The following WDR35 variants were observed in gnomAD, a reference collection of about 807,000 sequenced individuals.
The protein encoded by WDR35 is WD repeat domain 35.
In WDR35, 118 loss-of-function variants were observed where a neutral mutation model predicts 158.3. That is an observed-to-expected ratio of 0.75 (90% confidence interval 0.64 to 0.87). The LOEUF is 0.87. WDR35 is among the 40% of genes least tolerant of loss of function. The pLI is 0.00. For synonymous variants in WDR35, 448 were observed against 476.1 expected (o/e 0.94, Z 0.77); for missense variants, 1,263 against 1,405.8 (o/e 0.90, Z 1.62).
At chr2:19,977,521 A>G (rs1672251901) in intron 5 of WDR35, among the ~76,000 whole-genome samples, 1 of 152,094 alleles carries the variant, frequency 6.6e-6, no homozygotes, top group African/African-American at 2.4e-5. Context: ...TTCCCTTGTC[A>G]TTACCTGGAT....
At chr2:19,971,767 G>A (rs1406207750) in intron 8 of WDR35, among the ~76,000 whole-genome samples, 2 of 152,130 alleles carry the variant, frequency 1.3e-5, no homozygotes, top group Non-Finnish European at 2.9e-5. Flanking sequence ...AAGAGGAGGA[G>A]AATACGACCA....
At chr2:19,946,902 G>A (rs2103417498) in intron 14 of WDR35, among the ~76,000 whole-genome samples, 1 of 152,090 alleles carries the variant, frequency 6.6e-6, no homozygotes, top group Middle Eastern at 3.4e-3. Flanking sequence ...AATATTCAGG[G>A]CACATTAAAA....
Position 19,973,587 on chromosome 2 carries a change from C to A in WDR35, c.858G>T (p.Val286=), listed in dbSNP as rs373555840. The stretch of plus-strand genomic sequence containing the variant: ...CCTCACCAAACGGAGTGTAAAACTG[C>A]ACAATGTTCACATCTTTGTCCTGCA... ...AAMQDKDVNI[V]QFYTPFGEHL... Residue 286 remains valine, a synonymous_variant, in exon 8 of 27, where the codon GTG becomes GTT. Transcript: ENST00000281405. The A allele has an allele frequency of 6.2e-7, 1 of 1,614,004 alleles. No individual in the cohort carries two copies.
At chr2:19,941,736 A>C in intron 17 of WDR35, 23 bp downstream of exon 17, 1 of 1,499,470 alleles carries the variant, frequency 6.7e-7, no homozygotes, top group Non-Finnish European at 9.1e-7. Flanking sequence ...CTAGCAACAG[A>C]AATGTAACTT....
rs549077153 is a variant in WDR35, at chr2:19,945,995, G to A, written c.1636C>T (p.Arg546Cys). Residue 546 changes from arginine to cysteine, a missense_variant and splice_region_variant, in exon 16 of 27, where the codon CGT (arginine) becomes TGT (cysteine). Transcript: ENST00000281405. ...CCTGAGATGTCTATGATAGCAAGAC[G>A]GCTAAAAACAATGCAATTAGAGAAA... ...YQLSLNCNSS[R>C]LAIIDISGVL... 1.7e-5 allele frequency: 27 copies of A among 1,613,346 alleles called. No individual in the cohort carries two copies. The highest frequency in any genetic ancestry group is 4.5e-5 in the East Asian group (2 of 44,842).
chr2:19,914,288 C>T lies in WDR35; in HGVS notation c.3122-11G>A, dbSNP rs755368095. ...CTTTCAGGTGAAGAGCTAAGAAAAA[C>T]AGGGCAATTGGGGTTTTTTAAAATA... is the stretch of plus-strand genomic sequence containing the variant. On this transcript the variant is annotated splice_polypyrimidine_tract_variant and intron_variant, in intron 25 of 26. Transcript: ENST00000281405. 1.2e-6 allele frequency: 2 copies of T among 1,613,998 alleles called. No homozygotes were observed. Among genetic ancestry groups the T allele is most frequent in the South Asian group, 2.2e-5 (2 of 90,990 alleles).
In WDR35 at chr2:19,960,553, C is replaced by T. The variant is rs371669862; in HGVS notation, c.1255+1G>A. ...AGAAATAAATATCAACATTTCCTTA[C>T]CAATATCAATGTATTTGGGATCCAA... On this transcript the variant is annotated splice_donor_variant, in intron 11 of 26. Transcript: ENST00000281405. LOFTEE classifies it high-confidence loss of function. The T allele has an allele frequency of 4.4e-6, 7 of 1,601,448 alleles. No individual in the cohort carries two copies. In the African/African-American group the frequency reaches 6.7e-5, roughly 15 times the overall value.
At chr2:19,976,562 T>C (rs1216825547) in intron 5 of WDR35, among the ~76,000 whole-genome samples, 1 of 152,132 alleles carries the variant, frequency 6.6e-6, no homozygotes, top group Non-Finnish European at 1.5e-5. Flanking sequence ...ACCAAACCTG[T>C]TGACATCTTG....
intron 17 of WDR35, 121 bp downstream of exon 17, chr2:19,941,638 G>T: frequency 1.4e-6 from 1 of 689,698 alleles, no homozygotes; most frequent in Non-Finnish European, 2.5e-6. Flanking sequence ...AAGAGAGCAG[G>T]GCTGGGCCTG....
intron 25 of WDR35, among the ~76,000 whole-genome samples, chr2:19,916,039 T>G (rs1047584698): frequency 6.6e-6 from 1 of 151,956 alleles, no homozygotes; most frequent in Non-Finnish European, 1.5e-5. Flanking sequence ...CATTTCCAAC[T>G]GAGGTACCAG....
Position 19,946,569 on chromosome 2 carries a change from C to T in WDR35, c.1526G>A (p.Gly509Asp). Residue 509 changes from glycine (G) to aspartate (D), a missense_variant and splice_region_variant, in exon 15 of 27, where the codon GGT (glycine) becomes GAT (aspartate). Gly to Asp is a moderately conservative substitution (Grantham distance 94, BLOSUM62 -1). Transcript: ENST00000281405. Reference sequence around the variant, plus strand: ...TCTCTGAATGGTGCCAGATTCACGACCCTATGGAAATTACTTTTGATTACT... The same window carrying T: ...TCTCTGAATGGTGCCAGATTCACGATCCTATGGAAATTACTTTTGATTACT... ...ITASDKILIV[G>D]RESGTIQRYS... 1 of 1,613,042 alleles carries T rather than the reference C, an allele frequency of 6.2e-7. No individual in the cohort carries two copies. The highest frequency in any genetic ancestry group is 8.5e-7 in the Non-Finnish European group (1 of 1,179,284).
In WDR35 at chr2:19,948,170, C is replaced by T. The variant is rs1235704816; in HGVS notation, c.1518G>A (p.Leu506=). Residue 506 remains leucine (L), a synonymous_variant, in exon 14 of 27, where the codon TTG becomes TTA. Coordinates refer to ENST00000281405, the MANE Select transcript of WDR35 (RefSeq NM_020779.4). Reference sequence around the variant, plus strand: ...AAGTTTTTGCAAAACTTACCACAATCAATATCTTATCTGATGCAGTTATGG... The same window carrying T: ...AAGTTTTTGCAAAACTTACCACAATTAATATCTTATCTGATGCAGTTATGG... ...ICAITASDKI[L]IVGRESGTIQ... The T allele has an allele frequency of 1.2e-6, 2 of 1,607,652 alleles. No homozygotes were observed. The highest frequency in any genetic ancestry group is 1.7e-6 in the Non-Finnish European group (2 of 1,177,718).
At chr2:19,984,038 TATACATATATAC>T (rs1351004182) in intron 2 of WDR35, among the ~76,000 whole-genome samples, 1,401 of 4,686 alleles carry the variant, frequency 0.3, 40 homozygotes, top group African/African-American at 0.37. Context: ...TATATATATA[TATACATATATAC>T]ACACACCCAC....
rs78848859 is a variant in WDR35, at chr2:19,936,496, T to C, written c.2268-131A>G. On this transcript the variant is annotated intron_variant, in intron 19 of 26. Coordinates refer to ENST00000281405, the MANE Select transcript of WDR35 (RefSeq NM_020779.4). ...GGACAATGTGACTCTCCAAACACTT[T>C]AGGAACTTAGCCTGACTAGCTAAGA... 22,673 of 1,346,780 alleles carry C rather than the reference T, an allele frequency of 0.017. 282 individuals are homozygous for C. The highest frequency in any genetic ancestry group is 0.05 in the East Asian group (2,129 of 42,176). The allele number at this position is 1,346,780 out of a possible 1,614,324, so 83.4% of individuals were successfully genotyped here. A position where few individuals can be genotyped will look rare whatever the true frequency, so the allele number is the denominator to read the frequency against.
Position 19,975,676 on chromosome 2 carries a change from A to G in WDR35, c.437-13T>C, listed in dbSNP as rs367802842. 296 of 1,613,782 alleles carry G rather than the reference A, an allele frequency of 1.8e-4. 1 individual carries two copies. The African/African-American group carries it at 3.6e-3, about 20-fold the overall frequency. ...CAAATACGATTGCCTAAAACAAAAC[A>G]TTATTAAAAGTTGTTCAAGGTCATG... On this transcript the variant is annotated splice_polypyrimidine_tract_variant and intron_variant, in intron 5 of 26. Coordinates refer to ENST00000281405, the MANE Select transcript of WDR35 (RefSeq NM_020779.4).
chr2:19,955,512 T>A (rs1671398415), intron 11 of WDR35, among the ~76,000 whole-genome samples: 1 of 152,066 alleles, frequency 6.6e-6, no homozygotes, highest in South Asian at 2.1e-4. Flanking sequence ...GTAGAACAAT[T>A]TGCCCAAGGT....
intron 24 of WDR35, 127 bp from the exon 25 acceptor site, chr2:19,930,679 A>G: frequency 2.8e-6 from 4 of 1,408,304 alleles, no homozygotes; most frequent in East Asian, 2.4e-5. Flanking sequence ...ATGATTACAG[A>G]CTTTTTTTTT....
In WDR35 at chr2:19,946,506, G is replaced by A. The variant is rs1426763672; in HGVS notation, c.1589C>T (p.Ser530Phe). 1 of 1,613,514 alleles carries A rather than the reference G, an allele frequency of 6.2e-7. No individual in the cohort carries two copies. Among genetic ancestry groups the A allele is most frequent in the Non-Finnish European group, 8.5e-7 (1 of 1,179,726 alleles). The change falls in exon 15 of 27, where the codon TCC becomes TTC. Residue 530 changes from serine to phenylalanine, a missense_variant. Coordinates refer to ENST00000281405, the MANE Select transcript of WDR35 (RefSeq NM_020779.4). The part of the protein sequence containing the change: ...LPNVGLIQKY[S>F]LNCRAYQLSL... ...TAACTGGTAGGCTCGACAATTAAGG[G>A]AATATTTTTGAATCAAACCAACATT...
At chr2:19,941,134 T>C (rs979728999) in intron 17 of WDR35, among the ~76,000 whole-genome samples, 2 of 152,094 alleles carry the variant, frequency 1.3e-5, no homozygotes, top group Admixed American at 6.6e-5. Flanking sequence ...ATATATTACA[T>C]AGAAAAAGTT....
Sources: allele counts gnomAD v4.1 joint callset (sites outside exome capture counted in the v4.1 genomes callset), GRCh38; gene constraint gnomAD v4.1.1; transcripts MANE v1.5; gene names NCBI Gene and HGNC (gene_info 2026-07-23, HGNC 2026-07-21).